PCDH7: variants seen among roughly 807,000 people sequenced by gnomAD.
PCDH7 encodes protocadherin 7, also known as protocadherin-7.
PCDH7 carries 17 observed loss-of-function variants against 58.9 expected under a neutral mutation model. The ratio of observed to expected loss-of-function variants is 0.29; its 90% CI spans 0.20 to 0.43. PCDH7 has a LOEUF of 0.43. Among genes scored for constraint, PCDH7 ranks in the 20% least tolerant of loss-of-function variants. The pLI, the probability that PCDH7 is intolerant of heterozygous loss-of-function variation, is 1.00. For missense variants in PCDH7, 1,274 were observed against 1,441.0 expected (o/e 0.88, Z 1.88); for synonymous variants, 664 against 616.4 (o/e 1.08, Z -1.14).
intron 1 of PCDH7, among the ~76,000 whole-genome samples, chr4:30,821,871 T>C (rs1221374572): frequency 6.6e-6 from 1 of 152,156 alleles, no homozygotes; most frequent in Non-Finnish European, 1.5e-5. Flanking sequence ...TGCATACTGA[T>C]GTAACAAGAA....
intron 3 of PCDH7, among the ~76,000 whole-genome samples, chr4:31,002,005 A>G (rs1229766708): frequency 6.6e-6 from 1 of 152,206 alleles, no homozygotes; most frequent in Non-Finnish European, 1.5e-5. Flanking sequence ...AAATACGCTG[A>G]GCCAATGTTA....
intron 3 of PCDH7, among the ~76,000 whole-genome samples, chr4:31,010,820 T>C (rs1209206670): frequency 2.0e-5 from 3 of 151,818 alleles, no homozygotes; most frequent in African/African-American, 7.3e-5. Context: ...GTCTCAAAAA[T>C]AATACAATGA....
chr4:30,773,816 T>G (rs568711822), intron 1 of PCDH7, among the ~76,000 whole-genome samples: 1 of 152,290 alleles, frequency 6.6e-6, no homozygotes, highest in East Asian at 1.9e-4. Context: ...AAGATTTTTC[T>G]GTATATCTTC....
intron 3 of PCDH7, among the ~76,000 whole-genome samples, chr4:31,124,836 A>G (rs1022215315): frequency 2.0e-5 from 3 of 152,234 alleles, no homozygotes; most frequent in Non-Finnish European, 4.4e-5. Context: ...TTTGTTTGCC[A>G]GAAATAACTG....
At chr4:30,959,618 T>G (rs1225009873) in intron 3 of PCDH7, among the ~76,000 whole-genome samples, 2 of 152,162 alleles carry the variant, frequency 1.3e-5, no homozygotes, top group African/African-American at 4.8e-5. Context: ...GTAGGCTACT[T>G]TTTCTTCCAG....
At chr4:30,841,241 A>G (rs1731176082) in intron 1 of PCDH7, among the ~76,000 whole-genome samples, 1 of 152,128 alleles carries the variant, frequency 6.6e-6, no homozygotes, top group African/African-American at 2.4e-5. Flanking sequence ...AAGACAATGA[A>G]AAAAAGTCAC....
chr4:30,765,124 G>GTTTTTTTT (rs1242502475), intron 1 of PCDH7, among the ~76,000 whole-genome samples: 1 of 36,028 alleles, frequency 2.8e-5, no homozygotes, highest in Non-Finnish European at 6.6e-5. Context: ...GACTTCAGAT[G>GTTTTTTTT]CTTTTTTTTT....
chr4:30,919,239 T>TTCC (rs1553913848), intron 1 of PCDH7, among the ~76,000 whole-genome samples: 1 of 9,504 alleles, frequency 1.1e-4, no homozygotes, highest in Non-Finnish European at 1.7e-4. Flanking sequence ...CAAATTATTA[T>TTCC]TATGTAGCAC....
chr4:30,845,630 T>G (rs1013310527), intron 1 of PCDH7, among the ~76,000 whole-genome samples: 10 of 152,132 alleles, frequency 6.6e-5, no homozygotes, highest in African/African-American at 1.9e-4. Flanking sequence ...CAAGGTCTAC[T>G]TCTGTCATCC....
chr4:30,980,781 G>C (rs963887651), intron 3 of PCDH7, among the ~76,000 whole-genome samples: 1 of 151,996 alleles, frequency 6.6e-6, no homozygotes, highest in Non-Finnish European at 1.5e-5. Context: ...TAATTTCTGT[G>C]GACTAAATAG....
intron 3 of PCDH7, among the ~76,000 whole-genome samples, chr4:31,059,336 G>A (rs1178219828): frequency 6.6e-6 from 1 of 151,688 alleles, no homozygotes; most frequent in African/African-American, 2.4e-5. Flanking sequence ...AAACTCTTTT[G>A]TTCCTAATAA....
At chr4:30,894,654 A>G (rs1011415370) in intron 1 of PCDH7, among the ~76,000 whole-genome samples, 1 of 147,878 alleles carries the variant, frequency 6.8e-6, no homozygotes, top group African/African-American at 2.5e-5. Flanking sequence ...ATCCAGGTAA[A>G]TGATCTTTTA....
chr4:31,117,157 C>T (rs1717098050), intron 3 of PCDH7, among the ~76,000 whole-genome samples: 1 of 152,198 alleles, frequency 6.6e-6, no homozygotes, highest in South Asian at 2.1e-4. Flanking sequence ...GCTGGCATTA[C>T]AGGCATGAGC....
intron 1 of PCDH7, among the ~76,000 whole-genome samples, chr4:30,859,435 CTTTTT>C (rs977834781): frequency 2.1e-5 from 3 of 143,954 alleles, no homozygotes; most frequent in Non-Finnish European, 4.6e-5. Context: ...TCTAATTCTT[CTTTTT>C]TTTTTTTCTT....
downstream of PCDH7, chr4:31,144,475 G>A (rs1375442195): frequency 1.3e-5 from 2 of 152,182 alleles, no homozygotes; most frequent in Admixed American, 1.3e-4. Context: ...GGACAGAATA[G>A]GGAATAACAG....
chr4:31,042,956 A>C (rs1412168739), intron 3 of PCDH7, among the ~76,000 whole-genome samples: 1 of 152,118 alleles, frequency 6.6e-6, no homozygotes, highest in Non-Finnish European at 1.5e-5. Context: ...CCAAGGAAGC[A>C]CAGGGTATCA....
In PCDH7 at chr4:31,048,447, A is replaced by G. The variant is rs150311341; in HGVS notation, c.*8-94026A>G. ...CTTTCTAATCCATGGCAATATAATT[A>G]TTTTTAGTCTTCAGGCTTGATGCCA... is the stretch of plus-strand genomic sequence containing the variant. On this transcript the variant is annotated intron_variant, in intron 3 of 3. Coordinates refer to the PCDH7 transcript ENST00000509759. Among the ~76,000 whole-genome samples the G allele has an allele frequency of 1.1e-3, 173 of 152,248 alleles. 2 individuals are homozygous for G. The South Asian group carries it at 0.018, about 16-fold the overall frequency.
intron 3 of PCDH7, among the ~76,000 whole-genome samples, chr4:30,958,692 T>A (rs1429509761): frequency 2.0e-5 from 3 of 152,040 alleles, no homozygotes; most frequent in African/African-American, 7.2e-5. Flanking sequence ...TTATGGTACA[T>A]AATGTAGCAT....
chr4:31,108,369 T>TAAAAAAAAAAAAAAAAAAA lies in PCDH7; in HGVS notation c.*8-34082_*8-34064dup, dbSNP rs71190491. Among the ~76,000 whole-genome samples the TAAAAAAAAAAAAAAAAAAA allele has an allele frequency of 2.3e-4, 14 of 60,068 alleles. 3 individuals are homozygous for TAAAAAAAAAAAAAAAAAAA. The highest frequency in any genetic ancestry group is 4.1e-4 in the Non-Finnish European group (11 of 27,014). 39.4% of individuals were successfully genotyped at this position (60,068 alleles called of 152,430 possible). A position where few individuals can be genotyped will look rare whatever the true frequency, so the allele number is the denominator to read the frequency against. ...GTAGACTGTAACATACAGCATACAG[T>TAAAAAAAAAAAAAAAAAAA]AAAAAAAAAAAAAAAAAAAAAAAAA... On this transcript the variant is annotated intron_variant, in intron 3 of 3. Transcript: ENST00000509759.
Sources: allele counts gnomAD v4.1 joint callset (sites outside exome capture counted in the v4.1 genomes callset), GRCh38; gene constraint gnomAD v4.1.1; transcripts MANE v1.5; gene names NCBI Gene and HGNC (gene_info 2026-07-23, HGNC 2026-07-21).